The following ATP2B2 variants were observed in gnomAD, a reference collection of about 807,000 sequenced individuals.
The protein encoded by ATP2B2 is plasma membrane calcium-transporting ATPase 2.
A neutral mutation model predicts 120.0 loss-of-function variants in ATP2B2; 15 were observed. The observed-to-expected ratio is 0.12, with a 90% confidence interval of 0.08 to 0.19. The LOEUF (loss-of-function observed/expected upper bound fraction) is 0.19. ATP2B2 is among the 10% of genes least tolerant of loss of function. ATP2B2 has a pLI of 1.00. For synonymous variants in ATP2B2, 694 were observed against 700.3 expected (o/e 0.99, Z 0.14); for missense variants, 1,045 against 1,719.8 (o/e 0.61, Z 6.94).
At position 10,609,726 on chromosome 3, in the gene ATP2B2, C is replaced by T. The variant is rs568089787; in HGVS notation, c.-415+10191G>A. Among the ~76,000 whole-genome samples the T allele has an allele frequency of 4.6e-5, 7 of 152,302 alleles. No homozygotes were observed. In the East Asian group the frequency reaches 7.7e-4, roughly 17 times the overall value. On this transcript the variant is annotated intron_variant, in intron 2 of 21. Coordinates refer to the ATP2B2 transcript ENST00000646379. ...GGAATGCATACAAAATCACAAGGTG[C>T]AGCAGCCCTCACTGGTACTCTCAGC...
chr3:10,388,465 G>A, intron 5 of ATP2B2, 63 bp from the exon 6 acceptor site: 1 of 1,612,736 alleles, frequency 6.2e-7, no homozygotes, highest in East Asian at 2.2e-5. Context: ...CCAAAGGAGT[G>A]AAAAAATGTG....
At chr3:10,539,386 T>G (rs2067384488) in intron 2 of ATP2B2, among the ~76,000 whole-genome samples, 1 of 152,156 alleles carries the variant, frequency 6.6e-6, no homozygotes, top group African/African-American at 2.4e-5. Context: ...AAAGTTCATA[T>G]GGAACCAAAA....
At chr3:10,630,083 C>T (rs1255929745) in intron 1 of ATP2B2, among the ~76,000 whole-genome samples, 2 of 152,196 alleles carry the variant, frequency 1.3e-5, no homozygotes, top group African/African-American at 4.8e-5. Context: ...TTGGCTGAGT[C>T]TCCCCAATCC....
intron 2 of ATP2B2, among the ~76,000 whole-genome samples, chr3:10,614,078 C>T (rs566880487): frequency 1.3e-5 from 2 of 152,164 alleles, no homozygotes; most frequent in Admixed American, 6.5e-5. Context: ...AGTAGCCCCT[C>T]CCCCTCTCTC....
At chr3:10,431,422 C>T (rs896975585) in intron 2 of ATP2B2, among the ~76,000 whole-genome samples, 10 of 152,188 alleles carry the variant, frequency 6.6e-5, no homozygotes, top group Non-Finnish European at 1.3e-4. Context: ...AGTCAGCAGC[C>T]ATCAACATCG....
intron 2 of ATP2B2, among the ~76,000 whole-genome samples, chr3:10,576,869 C>T (rs2068261308): frequency 6.6e-6 from 1 of 151,914 alleles, no homozygotes; most frequent in Non-Finnish European, 1.5e-5. Flanking sequence ...TCGAGACCAG[C>T]CTGGTCAATA....
chr3:10,627,723 T>C (rs2069744953), intron 1 of ATP2B2, among the ~76,000 whole-genome samples: 2 of 152,226 alleles, frequency 1.3e-5, no homozygotes, highest in East Asian at 1.9e-4. Flanking sequence ...TAAATGTTTA[T>C]TGAGCACCTA....
chr3:10,691,760 G>T (rs1046066444), intron 1 of ATP2B2, among the ~76,000 whole-genome samples: 73 of 152,278 alleles, frequency 4.8e-4, no homozygotes, highest in Admixed American at 4.6e-3. Context: ...GGTTCTCCAG[G>T]GTTTCTACAT....
At position 10,346,162 on chromosome 3, in the gene ATP2B2, G is replaced by A. The variant is rs776481575; in HGVS notation, c.2405-25C>T. ...CCTGTTGGGGCAGGAGTGTGCTCAG[G>A]CCCTGGGCCACTCAGGTGGGAGGCA... On this transcript the variant is annotated intron_variant, in intron 16 of 22. Transcript: ENST00000360273. This position sits in a 1 kb window ranked among gnomAD's most constrained non-coding sequence, Gnocchi z 4.1. The A allele has an allele frequency of 1.9e-6, 3 of 1,605,778 alleles. No individual in the cohort carries two copies. Among genetic ancestry groups the A allele is most frequent in the Non-Finnish European group, 1.7e-6 (2 of 1,179,008 alleles).
At chr3:10,439,670 TTTTC>T (rs2125134313) in intron 2 of ATP2B2, among the ~76,000 whole-genome samples, 1 of 152,332 alleles carries the variant, frequency 6.6e-6, no homozygotes, top group East Asian at 1.9e-4. Context: ...TTCAATTTTT[TTTTC>T]TTTTTTTCAA....
At chr3:10,608,000 C>A (rs374092752) in intron 2 of ATP2B2, among the ~76,000 whole-genome samples, 41 of 152,210 alleles carry the variant, frequency 2.7e-4, no homozygotes, top group African/African-American at 9.6e-4. Context: ...GGCAGCATCA[C>A]CCACCCAGGC....
At chr3:10,600,304 C>A (rs1323068325) in intron 2 of ATP2B2, among the ~76,000 whole-genome samples, 4 of 152,228 alleles carry the variant, frequency 2.6e-5, no homozygotes. Context: ...TTCCTCCACA[C>A]TGAGTAGTAA....
At chr3:10,359,216 T>C (rs926790078) in intron 13 of ATP2B2, among the ~76,000 whole-genome samples, 1 of 152,190 alleles carries the variant, frequency 6.6e-6, no homozygotes, top group Admixed American at 6.5e-5. Context: ...GGCTAGTAGT[T>C]CTTGACCCTG....
At chr3:10,465,277 C>T (rs1263992746) in intron 1 of ATP2B2, among the ~76,000 whole-genome samples, 1 of 152,254 alleles carries the variant, frequency 6.6e-6, no homozygotes, top group Non-Finnish European at 1.5e-5. Context: ...TATTCATGTC[C>T]AGCAGCCTCT....
At chr3:10,381,197 G>A (rs1320940970) in intron 8 of ATP2B2, among the ~76,000 whole-genome samples, 3 of 152,246 alleles carry the variant, frequency 2.0e-5, no homozygotes, top group African/African-American at 7.2e-5. Context: ...CAAAGGATCA[G>A]TTGCCCATCC....
chr3:10,559,754 T>C lies in ATP2B2; in HGVS notation c.-414-25621A>G, dbSNP rs9849704. 7.8e-3 allele frequency among the ~76,000 whole-genome samples: 1,183 copies of C among 152,308 alleles called. 16 individuals are homozygous for C. The highest frequency in any genetic ancestry group is 0.026 in the African/African-American group (1,093 of 41,566). ...TCAAGATTTATCTTGGGCTTGAGGT[T>C]TAAAGAACATCCAAGGAGACACAAG... On this transcript the variant is annotated intron_variant, in intron 2 of 21. Transcript: ENST00000646379.
At chr3:10,498,178 A>G (rs922105313) in intron 1 of ATP2B2, among the ~76,000 whole-genome samples, 1 of 152,238 alleles carries the variant, frequency 6.6e-6, no homozygotes, top group Non-Finnish European at 1.5e-5. Context: ...CTGATGAGGC[A>G]GGCAGTGTTG....
intron 3 of ATP2B2, among the ~76,000 whole-genome samples, chr3:10,510,843 G>A (rs535408052): frequency 3.9e-5 from 6 of 152,318 alleles, no homozygotes; most frequent in East Asian, 1.9e-4. Context: ...TTGGTAATGC[G>A]GAGTCATACA....
At chr3:10,654,193 G>C (rs559563891) in intron 1 of ATP2B2, among the ~76,000 whole-genome samples, 147 of 152,236 alleles carry the variant, frequency 9.7e-4, no homozygotes, top group South Asian at 1.9e-3. Context: ...CAGATATTGA[G>C]GGTGGACTCG....
Sources: gnomAD v4.1 joint callset for allele counts (sites outside exome capture counted in the v4.1 genomes callset) on GRCh38, gnomAD v4.1.1 for gene constraint, Gnocchi (gnomAD v3.1) non-coding constraint, MANE v1.5 for transcripts, NCBI Gene and HGNC (gene_info 2026-07-23, HGNC 2026-07-21) for gene names.